The following SHISA6 variants were observed in gnomAD, a reference collection of about 807,000 sequenced individuals.
SHISA6 encodes protein shisa-6.
Under a neutral mutation model 47.9 loss-of-function variants are expected in SHISA6, and 22 were observed. The observed-to-expected ratio is 0.46, with a 90% CI of 0.33 to 0.66. The LOEUF is 0.66. Among genes scored for constraint, SHISA6 ranks in the 30% least tolerant of loss-of-function variants. The pLI is 0.02. For missense variants in SHISA6, 680 were observed against 764.6 expected (o/e 0.89, Z 1.30); for synonymous variants, 388 against 337.8 (o/e 1.15, Z -1.63).
chr17:11,494,346 G>A (rs919854680), intron 3 of SHISA6, among the ~76,000 whole-genome samples: 9 of 152,126 alleles, frequency 5.9e-5, no homozygotes, highest in Admixed American at 4.6e-4. Context: ...CTTGCTGCCC[G>A]AACCTAGCCC....
At chr17:11,276,501 A>G (rs1908897458) in intron 2 of SHISA6, among the ~76,000 whole-genome samples, 1 of 152,036 alleles carries the variant, frequency 6.6e-6, no homozygotes, top group African/African-American at 2.4e-5. Flanking sequence ...GAACACCCAT[A>G]CCCCCTTACT....
intron 2 of SHISA6, among the ~76,000 whole-genome samples, chr17:11,321,577 T>C (rs1164699298): frequency 6.6e-6 from 1 of 152,254 alleles, no homozygotes; most frequent in African/African-American, 2.4e-5. Flanking sequence ...CCTTGCCTTT[T>C]AATTGCACTG....
In SHISA6 at chr17:11,558,283, C is replaced by T; in HGVS notation, c.1635C>T (p.Ser545=). The stretch of plus-strand genomic sequence containing the variant: ...GCCACCACACCTGCTACACAGCCAG[C>T]AAGACCGAAGTGACCGTGTGACCGG... ...IPGHHTCYTA[S]KTEVTV is the part of the protein sequence containing the mutation. The change falls in exon 6 of 6, where the codon AGC becomes AGT. Residue 545 remains serine, a synonymous_variant. Transcript: ENST00000441885. 1 of 1,539,036 alleles carries T rather than the reference C, an allele frequency of 6.5e-7. No individual in the cohort carries two copies. The highest frequency in any genetic ancestry group is 1.4e-5 in the African/African-American group (1 of 73,168).
intron 2 of SHISA6, among the ~76,000 whole-genome samples, chr17:11,272,941 G>C (rs189488126): frequency 2.7e-4 from 41 of 152,328 alleles, no homozygotes; most frequent in African/African-American, 7.0e-4. Flanking sequence ...GGAGTGTGAT[G>C]CCTGAGTTCC....
intron 2 of SHISA6, among the ~76,000 whole-genome samples, chr17:11,356,708 C>A (rs1356568002): frequency 6.6e-6 from 1 of 152,140 alleles, no homozygotes; most frequent in African/African-American, 2.4e-5. Flanking sequence ...CCAGCCCTCC[C>A]CTCTATAACC....
chr17:11,455,193 C>A (rs75949179), intron 3 of SHISA6, among the ~76,000 whole-genome samples: 9,318 of 147,452 alleles, frequency 0.063, 345 homozygotes, highest in Non-Finnish European at 0.083. Flanking sequence ...AACAAACAAA[C>A]AAAAAAAACA....
intron 3 of SHISA6, among the ~76,000 whole-genome samples, chr17:11,449,954 A>G (rs1915340144): frequency 6.6e-6 from 1 of 152,164 alleles, no homozygotes; most frequent in South Asian, 2.1e-4. Context: ...GCGCGATCTC[A>G]GCTCACTGCA....
Position 11,428,162 on chromosome 17 carries a change from G to A in SHISA6, c.895+48653G>A, listed in dbSNP as rs72807155. On this transcript the variant is annotated intron_variant, in intron 3 of 5. Coordinates refer to ENST00000441885, the MANE Select transcript of SHISA6 (RefSeq NM_207386.4). ...TTTATCCCCTTTTACACACAGCAAC[G>A]CTGAACACAGAGAGGTGAGTTAACT... 4.7e-3 allele frequency among the ~76,000 whole-genome samples: 713 copies of A among 152,264 alleles called. 5 individuals are homozygous for A. The highest frequency in any genetic ancestry group is 7.2e-3 in the Non-Finnish European group (492 of 68,026).
chr17:11,481,210 CAG>C (rs1309103739), intron 3 of SHISA6, among the ~76,000 whole-genome samples: 1 of 151,840 alleles, frequency 6.6e-6, no homozygotes, highest in Non-Finnish European at 1.5e-5. Flanking sequence ...ACCCGGGAGG[CAG>C]AGGTTGCAGT....
intron 3 of SHISA6, among the ~76,000 whole-genome samples, chr17:11,422,371 A>G (rs1328043766): frequency 6.6e-6 from 1 of 152,188 alleles, no homozygotes; most frequent in Non-Finnish European, 1.5e-5. Flanking sequence ...ACAAGCCACT[A>G]CCGAGCCCAG....
intron 2 of SHISA6, among the ~76,000 whole-genome samples, chr17:11,334,492 G>A (rs1194910202): frequency 6.6e-6 from 1 of 152,162 alleles, no homozygotes; most frequent in Non-Finnish European, 1.5e-5. Flanking sequence ...GCCCCTAACA[G>A]GATACTGGTG....
At chr17:11,426,505 T>C (rs1914614616) in intron 3 of SHISA6, among the ~76,000 whole-genome samples, 1 of 152,160 alleles carries the variant, frequency 6.6e-6, no homozygotes, top group African/African-American at 2.4e-5. Context: ...AGATGATGGG[T>C]GCAGTACACA....
intron 3 of SHISA6, among the ~76,000 whole-genome samples, chr17:11,470,299 G>C (rs1203305948): frequency 6.6e-6 from 1 of 152,024 alleles, no homozygotes; most frequent in African/African-American, 2.4e-5. Context: ...GACCAACTCA[G>C]AGCATTTCTG....
intron 3 of SHISA6, among the ~76,000 whole-genome samples, chr17:11,477,128 C>T (rs936464390): frequency 2.0e-5 from 3 of 152,140 alleles, no homozygotes; most frequent in Non-Finnish European, 4.4e-5. Flanking sequence ...GTCTCCATTC[C>T]TCTACTTGCA....
chr17:11,550,907 G>A (rs992723147), intron 3 of SHISA6, among the ~76,000 whole-genome samples: 1 of 152,060 alleles, frequency 6.6e-6, no homozygotes, highest in African/African-American at 2.4e-5. Flanking sequence ...GGGACATAGT[G>A]AAGGAGCTAT....
intron 2 of SHISA6, among the ~76,000 whole-genome samples, chr17:11,284,613 T>C (rs1341990790): frequency 6.6e-6 from 1 of 152,216 alleles, no homozygotes; most frequent in Non-Finnish European, 1.5e-5. Context: ...CTGTATGGGT[T>C]CAAATAGGAG....
chr17:11,482,722 G>T (rs73977324), intron 3 of SHISA6, among the ~76,000 whole-genome samples: 3,150 of 152,254 alleles, frequency 0.021, 102 homozygotes, highest in African/African-American at 0.07. Flanking sequence ...AATTAGAATT[G>T]ATCAATATTG....
At chr17:11,354,344 G>A (rs1356584512) in intron 2 of SHISA6, among the ~76,000 whole-genome samples, 4 of 152,068 alleles carry the variant, frequency 2.6e-5, no homozygotes, top group Non-Finnish European at 5.9e-5. Context: ...AGCACATTCT[G>A]GGTAGCTGGG....
At chr17:11,321,776 C>A (rs1346167323) in intron 2 of SHISA6, among the ~76,000 whole-genome samples, 1 of 152,088 alleles carries the variant, frequency 6.6e-6, no homozygotes, top group Non-Finnish European at 1.5e-5. Context: ...GCTTGTCCAA[C>A]CTGTGGCCCA....
Sources: allele counts gnomAD v4.1 joint callset (sites outside exome capture counted in the v4.1 genomes callset), GRCh38; gene constraint gnomAD v4.1.1; transcripts MANE v1.5; gene names NCBI Gene and HGNC (gene_info 2026-07-23, HGNC 2026-07-21).